Variants in TMC2 observed in about 807,000 individuals in gnomAD.
TMC2 encodes the protein transmembrane channel-like protein 2.
A neutral mutation model predicts 105.9 loss-of-function variants in TMC2; 102 were observed. The ratio of observed to expected loss-of-function variants is 0.96; its 90% CI spans 0.82 to 1.14. TMC2 has a LOEUF of 1.14. TMC2 is among the 50% of genes most tolerant of loss of function. TMC2 has a pLI of 0.00. For synonymous variants in TMC2, 402 were observed against 422.8 expected, an observed-to-expected ratio of 0.95 and a Z score of 0.60; for missense variants, 1,093 against 1,134.3, an observed-to-expected ratio of 0.96 and a Z score of 0.52.
At chr20:2,563,587 C>T (rs1459671562) in intron 4 of TMC2, among the ~76,000 whole-genome samples, 1 of 152,030 alleles carries the variant, frequency 6.6e-6, no homozygotes, top group Non-Finnish European at 1.5e-5. Context: ...ATATTGGATA[C>T]CTGAAAATTG....
intron 8 of TMC2, among the ~76,000 whole-genome samples, chr20:2,593,406 A>C (rs1345462030): frequency 6.6e-6 from 1 of 152,194 alleles, no homozygotes; most frequent in Admixed American, 6.5e-5. Context: ...GAATCAATGA[A>C]TATCTGAGGA....
rs1369580248 is a variant in TMC2 at position 2,558,727 on chromosome 20, G to T, written c.354G>T (p.Lys118Asn). 1 of 1,588,706 alleles carries T rather than the reference G, an allele frequency of 6.3e-7. No homozygotes were observed. The change falls in exon 3 of 20, where the codon AAG (lysine) becomes AAT (asparagine). Residue 118 changes from lysine to asparagine, a missense_variant. Physicochemically the swap from Lys to Asn is moderately conservative, Grantham distance 94 (BLOSUM62 0). Coordinates refer to ENST00000358864, the MANE Select transcript of TMC2 (RefSeq NM_080751.3). This position sits in a 1 kb window ranked among gnomAD's most constrained non-coding sequence, Gnocchi z 4.6. Reference sequence around the variant, plus strand: ...GGACAGCAGCCCCAAAGAGGGAAAAGGAGATTCCGAGGAGGGAGGAGAAGT... The same window carrying T: ...GGACAGCAGCCCCAAAGAGGGAAAATGAGATTCCGAGGAGGGAGGAGAAGT... ...QERTAAPKRE[K>N]EIPRREEKSK...
chr20:2,605,871 A>G (rs937839117), intron 11 of TMC2, among the ~76,000 whole-genome samples: 2 of 152,194 alleles, frequency 1.3e-5, no homozygotes, highest in African/African-American at 2.4e-5. Context: ...GGAAAAGAGA[A>G]GGAAAAGGTG....
At chr20:2,537,183 C>A (rs2085855341) in intron 1 of TMC2, 86 bp from the exon 2 acceptor site, 3 of 1,268,334 alleles carry the variant, frequency 2.4e-6, no homozygotes, top group Admixed American at 2.0e-5. Context: ...CACAAATCAG[C>A]TGAGGGGTCC....
intron 2 of TMC2, among the ~76,000 whole-genome samples, chr20:2,539,990 C>CT (rs57860432): frequency 0.11 from 12,386 of 115,072 alleles, 858 homozygotes; most frequent in Middle Eastern, 0.16. Context: ...CTTTTCTTTT[C>CT]TTTTTTTTTT....
intron 4 of TMC2, among the ~76,000 whole-genome samples, chr20:2,565,248 A>T (rs1194104285): frequency 6.6e-6 from 1 of 152,242 alleles, no homozygotes; most frequent in Non-Finnish European, 1.5e-5. Context: ...GGTATGTATA[A>T]CAATTCACTG....
intron 11 of TMC2, among the ~76,000 whole-genome samples, chr20:2,610,128 C>T (rs1248273200): frequency 1.3e-5 from 2 of 152,178 alleles, no homozygotes; most frequent in Admixed American, 6.5e-5. Context: ...GGATTACAGG[C>T]GTGAGCCATT....
intron 2 of TMC2, among the ~76,000 whole-genome samples, chr20:2,537,592 C>G (rs6083577): frequency 0.099 from 15,033 of 152,192 alleles, 808 homozygotes; most frequent in East Asian, 0.16. Flanking sequence ...ATTCACCAGA[C>G]AGAGGGCAGG....
At chr20:2,637,869 A>T (rs2086660031) in intron 19 of TMC2, among the ~76,000 whole-genome samples, 1 of 152,192 alleles carries the variant, frequency 6.6e-6, no homozygotes, top group African/African-American at 2.4e-5. Flanking sequence ...GCCGTCATGC[A>T]CCCCTTAATA....
chr20:2,604,024 T>C (rs1345697216), intron 11 of TMC2, among the ~76,000 whole-genome samples: 2 of 151,706 alleles, frequency 1.3e-5, no homozygotes, highest in Non-Finnish European at 2.9e-5. Context: ...AAGAGGGAGG[T>C]AACAAACCAC....
Position 2,613,221 on chromosome 20 carries a change from A to C in TMC2, c.1771A>C (p.Met591Leu), listed in dbSNP as rs1391710053. 1 of 1,613,964 alleles carries C rather than the reference A, an allele frequency of 6.2e-7. No individual in the cohort carries two copies. Among genetic ancestry groups the C allele is most frequent in the Non-Finnish European group, 8.5e-7 (1 of 1,179,862 alleles). The change falls in exon 14 of 20, where the codon ATG (methionine) becomes CTG (leucine). Residue 591 changes from methionine (M) to leucine (L), a missense_variant. By Grantham distance (15) the Met-to-Leu change is conservative. Transcript: ENST00000358864. ...ATTCATGAGGCTGACGGTGTCTGAC[A>C]TGCTGGTAACGTACATCACCATCCT... ...IEFMRLTVSD[M>L]LVTYITILLG...
At position 2,617,131 on chromosome 20, in the gene TMC2, C is replaced by T. The variant is rs1418594277; in HGVS notation, c.2000C>T (p.Ser667Phe). 1 of 1,614,096 alleles carries T rather than the reference C, an allele frequency of 6.2e-7. No individual in the cohort carries two copies. The highest frequency in any genetic ancestry group is 8.5e-7 in the Non-Finnish European group (1 of 1,180,040). Residue 667 changes from serine (S) to phenylalanine (F), a missense_variant, in exon 16 of 20, where the codon TCC becomes TTC. Transcript: ENST00000358864. ...ATTAATGTGCTGCGCCTGCTGACCT[C>T]CATGTACTTCCAGTGCTGGGCGGTG... is the stretch of plus-strand genomic sequence containing the variant. ...VGINVLRLLT[S>F]MYFQCWAVMS...
At chr20:2,591,852 T>A (rs1337803517) in intron 7 of TMC2, among the ~76,000 whole-genome samples, 1 of 152,164 alleles carries the variant, frequency 6.6e-6, no homozygotes, top group Non-Finnish European at 1.5e-5. Flanking sequence ...GCGATCAATG[T>A]TATTTAAAGA....
At chr20:2,570,758 G>C (rs2086097341) in intron 4 of TMC2, among the ~76,000 whole-genome samples, 1 of 152,232 alleles carries the variant, frequency 6.6e-6, no homozygotes, top group Non-Finnish European at 1.5e-5. Flanking sequence ...TATACTATGA[G>C]GCTACAGTAA....
At chr20:2,573,736 GTTTT>G (rs2086121351) in intron 5 of TMC2, among the ~76,000 whole-genome samples, 2 of 119,974 alleles carry the variant, frequency 1.7e-5, no homozygotes, top group African/African-American at 3.7e-5. Context: ...AATTTTTTGT[GTTTT>G]TAGTAGAGAC....
intron 4 of TMC2, among the ~76,000 whole-genome samples, chr20:2,571,662 C>T (rs988669124): frequency 3.3e-5 from 5 of 152,146 alleles, no homozygotes; most frequent in Non-Finnish European, 5.9e-5. Flanking sequence ...TATTTTATTA[C>T]ACTGGGGCCA....
intron 5 of TMC2, 77 bp downstream of exon 5, chr20:2,572,346 GC>G: frequency 1.8e-6 from 2 of 1,102,278 alleles, no homozygotes; most frequent in Non-Finnish European, 1.4e-6. Flanking sequence ...TTCGGCAACT[GC>G]CCAGCTTCGC....
intron 16 of TMC2, among the ~76,000 whole-genome samples, chr20:2,620,920 G>GGTT (rs1382140705): frequency 3.3e-5 from 5 of 152,086 alleles, no homozygotes; most frequent in African/African-American, 1.2e-4. Context: ...TCTCCCTTTT[G>GGTT]GTAATGGAGT....
chr20:2,602,316 G>A lies in TMC2; in HGVS notation c.1413+15G>A, dbSNP rs560722688. The A allele has an allele frequency of 9.6e-6, 15 of 1,554,718 alleles. No homozygotes were observed. The South Asian group carries it at 1.2e-4, about 13-fold the overall frequency. The stretch of plus-strand genomic sequence containing the variant: ...AAAGGAATGAGGTAAGAAAAACATC[G>A]CTGATGAACTGAAGGTTGATGGCAA... On this transcript the variant is annotated intron_variant, in intron 11 of 19. Coordinates refer to ENST00000358864, the MANE Select transcript of TMC2 (RefSeq NM_080751.3).
Sources: allele counts gnomAD v4.1 joint callset (sites outside exome capture counted in the v4.1 genomes callset), GRCh38; gene constraint gnomAD v4.1.1; non-coding constraint Gnocchi (gnomAD v3.1); transcripts MANE v1.5; gene names NCBI Gene and HGNC (gene_info 2026-07-23, HGNC 2026-07-21).